CACNA2D3: variants seen among roughly 807,000 people sequenced by gnomAD.
CACNA2D3 encodes the protein voltage-dependent calcium channel subunit alpha-2/delta-3.
Under a neutral mutation model 160.6 loss-of-function variants are expected in CACNA2D3, and 60 were observed. That is an observed-to-expected ratio of 0.37 (90% CI 0.30 to 0.46). The LOEUF is 0.46. CACNA2D3 is among the 20% of genes least tolerant of loss of function. The pLI, the probability that CACNA2D3 is intolerant of heterozygous loss-of-function variation, is 1.00. For missense variants in CACNA2D3, 1,205 were observed against 1,365.0 expected, an observed-to-expected ratio of 0.88 and a Z score of 1.85; for synonymous variants, 558 against 492.9, an observed-to-expected ratio of 1.13 and a Z score of -1.75.
chr3:54,683,314 G>C lies in CACNA2D3; in HGVS notation c.1167+41073G>C, dbSNP rs560778355. Among the ~76,000 whole-genome samples, 9 of 152,310 alleles carry C rather than the reference G, an allele frequency of 5.9e-5. No individual in the cohort carries two copies. In the East Asian group the frequency reaches 1.7e-3, roughly 29 times the overall value. ...AAGAGGTCTTGGAGCTAGCTTCTCTGTATGGACTGCCTTGCTATGTCTGGA... is the reference window on the plus strand; with the variant it reads ...AAGAGGTCTTGGAGCTAGCTTCTCTCTATGGACTGCCTTGCTATGTCTGGA... On this transcript the variant is annotated intron_variant, in intron 11 of 37. Transcript: ENST00000474759.
chr3:54,291,024 T>G (rs1457478740), intron 2 of CACNA2D3, among the ~76,000 whole-genome samples: 2 of 152,180 alleles, frequency 1.3e-5, no homozygotes, highest in Non-Finnish European at 2.9e-5. Context: ...ACCCTGCACG[T>G]TGTGCACATG....
intron 5 of CACNA2D3, among the ~76,000 whole-genome samples, chr3:54,508,908 A>G (rs1181542894): frequency 6.6e-6 from 1 of 152,232 alleles, no homozygotes; most frequent in Admixed American, 6.5e-5. Context: ...ACAGTCCAAT[A>G]GGTTCTTCTA....
chr3:54,689,698 C>G (rs940452495), intron 11 of CACNA2D3, among the ~76,000 whole-genome samples: 1 of 151,996 alleles, frequency 6.6e-6, no homozygotes, highest in African/African-American at 2.4e-5. Context: ...CCTCGTGGCT[C>G]TACCTCCAGA....
chr3:54,624,177 C>T (rs1407645133), intron 9 of CACNA2D3, among the ~76,000 whole-genome samples: 1 of 152,142 alleles, frequency 6.6e-6, no homozygotes, highest in East Asian at 1.9e-4. Flanking sequence ...CACAACTGAC[C>T]TTGTTATAAA....
Position 54,841,697 on chromosome 3 carries a change from A to G in CACNA2D3, c.1551+3049A>G, listed in dbSNP as rs142766063. Among the ~76,000 whole-genome samples the G allele has an allele frequency of 2.7e-3, 416 of 152,350 alleles. 4 individuals are homozygous for G. Among genetic ancestry groups the G allele is most frequent in the African/African-American group, 9.1e-3 (377 of 41,576 alleles). On this transcript the variant is annotated intron_variant, in intron 16 of 37. Coordinates refer to ENST00000474759, the MANE Select transcript of CACNA2D3 (RefSeq NM_018398.3). ...AGCTTCATAGATTTTCCCACAAGCA[A>G]TCAGACTTCCTGTAATTTTTATTAA... is the stretch of plus-strand genomic sequence containing the variant.
At chr3:54,587,277 G>T (rs371442611) in intron 9 of CACNA2D3, among the ~76,000 whole-genome samples, 15 of 152,118 alleles carry the variant, frequency 9.9e-5, no homozygotes, top group African/African-American at 3.4e-4. Flanking sequence ...GAAGAGAGGG[G>T]CAGGCGCGGT....
intron 2 of CACNA2D3, among the ~76,000 whole-genome samples, chr3:54,307,664 A>T (rs75919940): frequency 0.02 from 3,034 of 152,272 alleles, 46 homozygotes; most frequent in Admixed American, 0.054. Flanking sequence ...ATTCAGATGC[A>T]GGTTCCTAAC....
intron 9 of CACNA2D3, among the ~76,000 whole-genome samples, chr3:54,613,627 C>T (rs957428308): frequency 5.3e-5 from 8 of 152,308 alleles, no homozygotes; most frequent in African/African-American, 1.4e-4. Context: ...TCTCTTGATC[C>T]TTAAACAACC....
intron 5 of CACNA2D3, among the ~76,000 whole-genome samples, chr3:54,524,361 A>AT (rs1701692667): frequency 6.6e-6 from 1 of 152,142 alleles, no homozygotes; most frequent in African/African-American, 2.4e-5. Context: ...TGGTCAGAAC[A>AT]TACACTTTTG....
chr3:54,444,228 C>T (rs1700186956), intron 4 of CACNA2D3, among the ~76,000 whole-genome samples: 1 of 152,154 alleles, frequency 6.6e-6, no homozygotes, highest in Non-Finnish European at 1.5e-5. Flanking sequence ...GTTAGAGTCT[C>T]CCAGGAATTT....
At chr3:54,584,014 C>G (rs79880983) in intron 9 of CACNA2D3, among the ~76,000 whole-genome samples, 1,798 of 151,980 alleles carry the variant, frequency 0.012, 38 homozygotes, top group African/African-American at 0.042. Flanking sequence ...ACGGAACAAC[C>G]AATCCTACAT....
intron 2 of CACNA2D3, among the ~76,000 whole-genome samples, chr3:54,309,042 A>G (rs146662402): frequency 6.0e-4 from 91 of 152,378 alleles, no homozygotes; most frequent in Non-Finnish European, 1.1e-3. Context: ...TCTAGCACAC[A>G]TGGACTTGTA....
At chr3:54,768,301 G>A (rs1025608779) in intron 13 of CACNA2D3, among the ~76,000 whole-genome samples, 5 of 152,218 alleles carry the variant, frequency 3.3e-5, no homozygotes, top group African/African-American at 9.7e-5. Context: ...GACATTGTGT[G>A]CCTGCAGAGA....
At chr3:55,009,471 A>C (rs770097752) in intron 34 of CACNA2D3, 28 bp downstream of exon 34, 4 of 1,606,750 alleles carry the variant, frequency 2.5e-6, no homozygotes, top group Non-Finnish European at 3.4e-6. Context: ...TCTGTTTCCC[A>C]GCTTGGAGGG....
At chr3:54,280,535 T>C (rs1464434226) in intron 2 of CACNA2D3, among the ~76,000 whole-genome samples, 5 of 147,294 alleles carry the variant, frequency 3.4e-5, no homozygotes, top group Non-Finnish European at 7.5e-5. Flanking sequence ...GCCTGAACAC[T>C]GTACTAAAAG....
At chr3:54,325,994 T>A (rs1704113337) in intron 3 of CACNA2D3, among the ~76,000 whole-genome samples, 3 of 152,274 alleles carry the variant, frequency 2.0e-5, no homozygotes, top group Admixed American at 6.5e-5. Flanking sequence ...TTATATTAAG[T>A]TTTCCCCCCT....
chr3:54,469,196 G>A (rs188405944), intron 4 of CACNA2D3, among the ~76,000 whole-genome samples: 1 of 152,296 alleles, frequency 6.6e-6, no homozygotes, highest in East Asian at 1.9e-4. Context: ...GCATCTGGTG[G>A]GTGCCCCTCT....
intron 13 of CACNA2D3, among the ~76,000 whole-genome samples, chr3:54,781,249 A>G (rs1273037096): frequency 2.6e-5 from 4 of 152,212 alleles, no homozygotes; most frequent in African/African-American, 7.2e-5. Context: ...GCCCTTTGCT[A>G]TATTAGCAGA....
At chr3:54,370,686 T>C (rs926700195) in intron 3 of CACNA2D3, among the ~76,000 whole-genome samples, 2 of 152,198 alleles carry the variant, frequency 1.3e-5, no homozygotes, top group Admixed American at 1.3e-4. Context: ...AGAGACACTT[T>C]TTTGGTAACA....
Sources: allele counts gnomAD v4.1 joint callset (sites outside exome capture counted in the v4.1 genomes callset), GRCh38; gene constraint gnomAD v4.1.1; transcripts MANE v1.5; gene names NCBI Gene and HGNC (gene_info 2026-07-23, HGNC 2026-07-21).